Variants in KIF18A observed in about 807,000 individuals in gnomAD.
The protein encoded by KIF18A is kinesin-like protein KIF18A.
In KIF18A, 67 loss-of-function variants were observed where a neutral mutation model predicts 103.3. That is an observed-to-expected ratio of 0.65 (90% CI 0.53 to 0.79). The LOEUF (loss-of-function observed/expected upper bound fraction) is 0.79, where lower values mean the gene tolerates loss of function less well. KIF18A is among the 30% of genes least tolerant of loss of function. The probability of loss-of-function intolerance (pLI) is 0.00; values close to 1 mark genes in which losing one functional copy is unlikely to be tolerated. For synonymous variants in KIF18A, 367 were observed against 355.5 expected (o/e 1.03, Z -0.36); for missense variants, 1,032 against 1,062.5 (o/e 0.97, Z 0.40).
intron 7 of KIF18A, among the ~76,000 whole-genome samples, chr11:28,084,019 C>T (rs1050796458): frequency 6.6e-6 from 1 of 152,030 alleles, no homozygotes; most frequent in East Asian, 1.9e-4. Flanking sequence ...TTTAAACATA[C>T]ATATTTTGAT....
Position 28,021,119 on chromosome 11 carries a change from T to C in KIF18A, c.*81A>G. 7.8e-7 allele frequency: 1 copy of C among 1,282,886 alleles called. No homozygotes were observed. The highest frequency in any genetic ancestry group is 1.0e-6 in the Non-Finnish European group (1 of 995,660). The allele number at this position is 1,282,886 out of a possible 1,614,324, so 79.5% of individuals were successfully genotyped here. A position where few individuals can be genotyped will look rare whatever the true frequency, so the allele number is the denominator to read the frequency against. On this transcript the variant is annotated 3_prime_UTR_variant, in exon 17 of 17. Coordinates refer to ENST00000263181, the MANE Select transcript of KIF18A (RefSeq NM_031217.4). ...TAAGATGGGTCTTCTTTCAAAGATT[T>C]TAAATATATTTTTGAAAGGGTATTG...
intron 3 of KIF18A, among the ~76,000 whole-genome samples, chr11:28,092,416 T>C (rs527789171): frequency 4.6e-5 from 7 of 152,170 alleles, no homozygotes; most frequent in African/African-American, 7.2e-5. Context: ...AGAGGTTAAA[T>C]GATTTGTCCA....
At chr11:28,097,554 A>G (rs765759076) in intron 2 of KIF18A, 69 bp downstream of exon 2, 12 of 991,222 alleles carry the variant, frequency 1.2e-5, no homozygotes, top group Middle Eastern at 2.1e-4. Flanking sequence ...AGAAGGGTCA[A>G]GTAGATGTCC....
chr11:28,062,164 TATTAAG>T (rs1314732704), intron 12 of KIF18A, among the ~76,000 whole-genome samples: 2 of 152,124 alleles, frequency 1.3e-5, no homozygotes, highest in Admixed American at 1.3e-4. Flanking sequence ...ACATAGCATA[TATTAAG>T]TAAAAGTAAC....
chr11:28,095,607 T>C (rs1184655894), intron 2 of KIF18A, among the ~76,000 whole-genome samples: 1 of 152,232 alleles, frequency 6.6e-6, no homozygotes, highest in Non-Finnish European at 1.5e-5. Flanking sequence ...ACCAGATAGA[T>C]GCCATTTATA....
intron 13 of KIF18A, among the ~76,000 whole-genome samples, chr11:28,037,931 TAC>T (rs955453560): frequency 3.3e-5 from 5 of 151,646 alleles, no homozygotes; most frequent in African/African-American, 7.3e-5. Context: ...TGCCTTGTTC[TAC>T]ACAGTTTCTC....
intron 3 of KIF18A, among the ~76,000 whole-genome samples, chr11:28,093,954 C>T (rs929746647): frequency 6.6e-6 from 1 of 152,050 alleles, no homozygotes; most frequent in African/African-American, 2.4e-5. Flanking sequence ...CTCTACAGAC[C>T]ACAGCATAAT....
chr11:28,026,247 C>T (rs867683338), intron 15 of KIF18A, among the ~76,000 whole-genome samples: 1 of 151,778 alleles, frequency 6.6e-6, no homozygotes, highest in South Asian at 2.1e-4. Context: ...AACTCTAATG[C>T]CATTTTATGC....
In KIF18A at chr11:28,103,181, C is replaced by T. The variant is rs184940319; in HGVS notation, c.-47+4883G>A. 1.7e-4 allele frequency among the ~76,000 whole-genome samples: 26 copies of T among 152,166 alleles called. 1 individual carries two copies. The East Asian group carries it at 4.8e-3, about 28-fold the overall frequency. On this transcript the variant is annotated intron_variant, in intron 1 of 16. Coordinates refer to ENST00000263181, the MANE Select transcript of KIF18A (RefSeq NM_031217.4). Reference sequence around the variant, plus strand: ...TTCCAACGTGATTATTCATTATAATCAGGTTGAGCATTCCAAATTTGAAAA... The same window carrying T: ...TTCCAACGTGATTATTCATTATAATTAGGTTGAGCATTCCAAATTTGAAAA...
intron 1 of KIF18A, among the ~76,000 whole-genome samples, chr11:28,104,644 A>G (rs1851484142): frequency 6.6e-6 from 1 of 152,172 alleles, no homozygotes; most frequent in Non-Finnish European, 1.5e-5. Flanking sequence ...ATTGGAAAGT[A>G]TATGTTATCT....
At chr11:28,096,842 C>G (rs1590712060) in intron 2 of KIF18A, among the ~76,000 whole-genome samples, 1 of 148,656 alleles carries the variant, frequency 6.7e-6, no homozygotes, top group East Asian at 2.0e-4. Flanking sequence ...CACTGAAAAA[C>G]TGGCCATTTT....
Position 28,085,543 on chromosome 11 carries a change from ATC to A in KIF18A, c.898-737_898-736del, listed in dbSNP as rs113410758. Among the ~76,000 whole-genome samples the A allele has an allele frequency of 6.6e-4, 100 of 152,162 alleles. 1 individual carries two copies. Among genetic ancestry groups the A allele is most frequent in the African/African-American group, 2.3e-3 (96 of 41,502 alleles). Reference sequence around the variant, plus strand: ...AGAAGAAAACACGGATGTATGCGCCATCTCTCTCTCTGTTATCGGCTACCTAA... The same window carrying A: ...AGAAGAAAACACGGATGTATGCGCCATCTCTCTCTGTTATCGGCTACCTAA... On this transcript the variant is annotated intron_variant, in intron 6 of 16. Coordinates refer to ENST00000263181, the MANE Select transcript of KIF18A (RefSeq NM_031217.4).
At chr11:28,038,368 T>G (rs1202408803) in intron 13 of KIF18A, among the ~76,000 whole-genome samples, 2 of 151,622 alleles carry the variant, frequency 1.3e-5, no homozygotes, top group Non-Finnish European at 3.0e-5. Context: ...TCAATTAACT[T>G]TTTTCTACTC....
At position 28,084,768 on chromosome 11, in the gene KIF18A, G is replaced by C; in HGVS notation, c.938C>G (p.Thr313Ser). 6 of 1,613,046 alleles carry C rather than the reference G, an allele frequency of 3.7e-6. No homozygotes were observed. The highest frequency in any genetic ancestry group is 5.1e-6 in the Non-Finnish European group (6 of 1,179,248). Reference protein sequence around the residue: ...QHIPYRNSKLTRLLKDSLGGN... With the variant: ...QHIPYRNSKLSRLLKDSLGGN... ...TCCAAGAGAATCCTTTAACAAGCGA[G>C]TAAGCTTACTATTTCTGTAAGGGAT... The change falls in exon 7 of 17, where the codon ACT (threonine) becomes AGT (serine). Residue 313 changes from threonine to serine, a missense_variant. Coordinates refer to ENST00000263181, the MANE Select transcript of KIF18A (RefSeq NM_031217.4).
intron 6 of KIF18A, among the ~76,000 whole-genome samples, chr11:28,085,683 G>A (rs959805537): frequency 3.3e-5 from 5 of 151,948 alleles, no homozygotes; most frequent in Admixed American, 6.6e-5. Context: ...AAATATCAGC[G>A]CGCCCAGCTG....
chr11:28,047,302 C>T (rs1342437620), intron 13 of KIF18A, among the ~76,000 whole-genome samples: 1 of 151,990 alleles, frequency 6.6e-6, no homozygotes, highest in Non-Finnish European at 1.5e-5. Context: ...AAGGAATAAA[C>T]TTACACACAA....
chr11:28,079,962 C>G (rs1030715164), intron 9 of KIF18A, among the ~76,000 whole-genome samples: 2 of 152,038 alleles, frequency 1.3e-5, no homozygotes, highest in Non-Finnish European at 2.9e-5. Context: ...GTAGAAACCT[C>G]TCAAAATTCT....
chr11:28,076,858 C>T (rs764031298), intron 10 of KIF18A, 149 bp downstream of exon 10: 34 of 403,102 alleles, frequency 8.4e-5, no homozygotes, highest in East Asian at 7.1e-4. Context: ...TGCTTGAATC[C>T]GGAAGGCAGA....
Position 28,070,542 on chromosome 11 carries a change from G to A in KIF18A, c.1426-1119C>T, listed in dbSNP as rs113364926. 1.2e-4 allele frequency among the ~76,000 whole-genome samples: 19 copies of A among 152,282 alleles called. 1 individual carries two copies. Among genetic ancestry groups the A allele is most frequent in the African/African-American group, 3.8e-4 (16 of 41,574 alleles). On this transcript the variant is annotated intron_variant, in intron 10 of 16. Coordinates refer to ENST00000263181, the MANE Select transcript of KIF18A (RefSeq NM_031217.4). ...AAGGGAAAAATAGTTGATAGCCACCGTCATTCTCACTAAGGTTCCTGACTC... is the reference window on the plus strand; with the variant it reads ...AAGGGAAAAATAGTTGATAGCCACCATCATTCTCACTAAGGTTCCTGACTC...
Sources: allele counts gnomAD v4.1 joint callset (sites outside exome capture counted in the v4.1 genomes callset), GRCh38; gene constraint gnomAD v4.1.1; transcripts MANE v1.5; gene names NCBI Gene and HGNC (gene_info 2026-07-23, HGNC 2026-07-21).